Variants in GRID2 observed in about 807,000 individuals in gnomAD.
GRID2 encodes the protein glutamate ionotropic receptor delta type subunit 2.
In GRID2, 33 loss-of-function variants were observed where a neutral mutation model predicts 114.8. The observed-to-expected ratio is 0.29, with a 90% CI of 0.22 to 0.38. The LOEUF (loss-of-function observed/expected upper bound fraction) is 0.38, where lower values mean the gene tolerates loss of function less well. GRID2 is among the 10% of genes least tolerant of loss of function. The pLI, the probability that GRID2 is intolerant of heterozygous loss-of-function variation, is 1.00. For missense variants in GRID2, 1,184 were observed against 1,257.7 expected (o/e 0.94, Z 0.89); for synonymous variants, 505 against 449.9 (o/e 1.12, Z -1.55).
chr4:92,306,596 CT>C (rs1356052917), intron 1 of GRID2, among the ~76,000 whole-genome samples: 1 of 152,100 alleles, frequency 6.6e-6, no homozygotes, highest in Admixed American at 6.6e-5. Flanking sequence ...TGGAAGAATG[CT>C]TTTTTTAAAT....
intron 2 of GRID2, among the ~76,000 whole-genome samples, chr4:92,733,598 C>G (rs557226561): frequency 6.6e-6 from 1 of 152,096 alleles, no homozygotes; most frequent in Non-Finnish European, 1.5e-5. Flanking sequence ...AACTAGACAT[C>G]TCACTGGCAA....
At chr4:92,520,200 C>T (rs1011168775) in intron 1 of GRID2, among the ~76,000 whole-genome samples, 4 of 151,598 alleles carry the variant, frequency 2.6e-5, no homozygotes, top group African/African-American at 9.7e-5. Context: ...TGTACTAAAC[C>T]CTTCCCCAGA....
chr4:92,677,827 T>A (rs1733452810), intron 2 of GRID2, among the ~76,000 whole-genome samples: 1 of 152,134 alleles, frequency 6.6e-6, no homozygotes, highest in Admixed American at 6.5e-5. Context: ...TCTACCTGAT[T>A]TCATTATTTT....
chr4:93,333,519 C>A lies in GRID2; in HGVS notation c.1246-62088C>A, dbSNP rs544893912. Among the ~76,000 whole-genome samples the A allele has an allele frequency of 4.9e-3, 746 of 152,246 alleles. 2 individuals are homozygous for A. Among genetic ancestry groups the A allele is most frequent in the Non-Finnish European group, 7.1e-3 (480 of 68,002 alleles). On this transcript the variant is annotated intron_variant, in intron 8 of 15. Coordinates refer to ENST00000282020, the MANE Select transcript of GRID2 (RefSeq NM_001510.4). ...ATTCAAAACCTTTTTCTTGTCTTCC[C>A]CTTCTGAGAACTGAAACAAAGAACC...
At chr4:92,428,398 C>G (rs1732263554) in intron 1 of GRID2, among the ~76,000 whole-genome samples, 1 of 151,766 alleles carries the variant, frequency 6.6e-6, no homozygotes, top group Non-Finnish European at 1.5e-5. Context: ...TCTTTTTTCT[C>G]TCTTAACTTC....
At chr4:93,244,791 CACTT>C (rs1193028623) in intron 8 of GRID2, among the ~76,000 whole-genome samples, 2 of 151,438 alleles carry the variant, frequency 1.3e-5, no homozygotes, top group Non-Finnish European at 3.0e-5. Context: ...TTAAATATTG[CACTT>C]GTATTCAGCA....
At chr4:92,454,420 A>G (rs1051001533) in intron 1 of GRID2, among the ~76,000 whole-genome samples, 3 of 152,234 alleles carry the variant, frequency 2.0e-5, no homozygotes, top group African/African-American at 7.2e-5. Flanking sequence ...CCATATAAAT[A>G]CAGTTTTATT....
At chr4:93,478,967 A>G (rs1158507956) in intron 11 of GRID2, among the ~76,000 whole-genome samples, 1 of 152,066 alleles carries the variant, frequency 6.6e-6, no homozygotes, top group Non-Finnish European at 1.5e-5. Context: ...TGAAATAACA[A>G]TTATATTAGT....
intron 4 of GRID2, among the ~76,000 whole-genome samples, chr4:93,206,413 G>C (rs1275566006): frequency 2.0e-5 from 3 of 152,000 alleles, no homozygotes; most frequent in African/African-American, 4.8e-5. Context: ...TTATTTGAAA[G>C]CATCTTCATT....
chr4:93,550,104 T>A lies in GRID2; in HGVS notation c.2193+34693T>A, dbSNP rs1468019095. 2.6e-5 allele frequency among the ~76,000 whole-genome samples: 4 copies of A among 152,158 alleles called. No individual in the cohort carries two copies. In the South Asian group the frequency reaches 6.2e-4, roughly 24 times the overall value. On this transcript the variant is annotated intron_variant, in intron 13 of 15. Transcript: ENST00000282020. ...CTCTTTCTGATATTTTTATTATATT[T>A]TATTTTATTTATTTTTAGAGACAGG...
At chr4:93,218,093 T>C (rs541816999) in intron 6 of GRID2, among the ~76,000 whole-genome samples, 2 of 152,048 alleles carry the variant, frequency 1.3e-5, no homozygotes, top group African/African-American at 4.8e-5. Flanking sequence ...AAAAAGGATT[T>C]GCCATTTATC....
intron 2 of GRID2, among the ~76,000 whole-genome samples, chr4:92,626,271 C>A (rs956161866): frequency 4.0e-5 from 6 of 151,844 alleles, no homozygotes; most frequent in Non-Finnish European, 7.4e-5. Flanking sequence ...AAAATGTAAC[C>A]TTTAACAAGG....
chr4:92,824,831 C>A (rs1741571487), intron 2 of GRID2, among the ~76,000 whole-genome samples: 1 of 151,792 alleles, frequency 6.6e-6, no homozygotes, highest in Non-Finnish European at 1.5e-5. Flanking sequence ...TTAGGAAAAC[C>A]CATGAAGTGC....
chr4:93,498,790 T>G (rs1293045805), intron 12 of GRID2, among the ~76,000 whole-genome samples: 1 of 151,916 alleles, frequency 6.6e-6, no homozygotes, highest in Admixed American at 6.6e-5. Flanking sequence ...TTTTCTTTGC[T>G]GGATAGAATT....
In GRID2 at chr4:93,164,159, G is replaced by GA. The variant is rs1560942910; in HGVS notation, c.736-43245_736-43244insA. 5.5e-3 allele frequency among the ~76,000 whole-genome samples: 837 copies of GA among 151,306 alleles called. 10 individuals carry two copies. Among genetic ancestry groups the GA allele is most frequent in the African/African-American group, 0.019 (802 of 41,234 alleles). ...CAGGCGAAAAACCAAGCCCGGGGGG[G>GA]GAAAAAAAAGGTAATTTAGAAAAGA... On this transcript the variant is annotated intron_variant, in intron 4 of 15. Transcript: ENST00000282020.
chr4:92,399,635 A>AGC (rs1730681171), intron 1 of GRID2, among the ~76,000 whole-genome samples: 1 of 132,872 alleles, frequency 7.5e-6, no homozygotes, highest in African/African-American at 3.2e-5. Flanking sequence ...GAATAAAAGC[A>AGC]GCTCTCTCTC....
At chr4:93,278,822 G>GA (rs141596752) in intron 8 of GRID2, among the ~76,000 whole-genome samples, 2 of 151,762 alleles carry the variant, frequency 1.3e-5, no homozygotes, top group Non-Finnish European at 2.9e-5. Flanking sequence ...TTTGTGAACA[G>GA]AAAAAAACTG....
At chr4:93,546,048 A>G (rs1251877236) in intron 13 of GRID2, among the ~76,000 whole-genome samples, 1 of 152,238 alleles carries the variant, frequency 6.6e-6, no homozygotes, top group Non-Finnish European at 1.5e-5. Context: ...CTCATATTCA[A>G]ATGTGCTTCA....
intron 2 of GRID2, among the ~76,000 whole-genome samples, chr4:93,031,984 A>G (rs1724482687): frequency 6.6e-6 from 1 of 152,306 alleles, no homozygotes; most frequent in East Asian, 1.9e-4. Context: ...CATTATAAAC[A>G]GACTAACCTA....
Sources: gnomAD v4.1 joint callset for allele counts (sites outside exome capture counted in the v4.1 genomes callset) on GRCh38, gnomAD v4.1.1 for gene constraint, MANE v1.5 for transcripts, NCBI Gene and HGNC (gene_info 2026-07-23, HGNC 2026-07-21) for gene names.